GPC6: variants seen among roughly 807,000 people sequenced by gnomAD.
GPC6 encodes glypican-6.
Under a neutral mutation model 55.2 loss-of-function variants are expected in GPC6, and 14 were observed. The ratio of observed to expected loss-of-function variants is 0.25; its 90% CI spans 0.17 to 0.40. The LOEUF is 0.40. Ranked by LOEUF, GPC6 falls within the 10% of genes least tolerant of loss-of-function variation. The pLI is 1.00. For missense variants in GPC6, 641 were observed against 708.5 expected (o/e 0.90, Z 1.08); for synonymous variants, 278 against 259.6 (o/e 1.07, Z -0.68).
intron 4 of GPC6, among the ~76,000 whole-genome samples, chr13:94,074,506 C>T (rs928391681): frequency 6.6e-6 from 1 of 152,210 alleles, no homozygotes; most frequent in Non-Finnish European, 1.5e-5. Context: ...TGTTGTACCA[C>T]TTGAATTTTA....
At chr13:93,974,802 A>G (rs1162962760) in intron 3 of GPC6, among the ~76,000 whole-genome samples, 1 of 152,100 alleles carries the variant, frequency 6.6e-6, no homozygotes, top group Admixed American at 6.6e-5. Context: ...CTATTATTAG[A>G]CATTTACTAT....
intron 3 of GPC6, among the ~76,000 whole-genome samples, chr13:94,010,343 G>A (rs1185355194): frequency 1.3e-5 from 2 of 152,122 alleles, no homozygotes; most frequent in Non-Finnish European, 2.9e-5. Flanking sequence ...AAGGCCAAGG[G>A]TAATGAAAAT....
chr13:94,099,610 C>A (rs182656354), intron 4 of GPC6, among the ~76,000 whole-genome samples: 1 of 152,224 alleles, frequency 6.6e-6, no homozygotes, highest in Non-Finnish European at 1.5e-5. Flanking sequence ...AAGGTATTTG[C>A]TTACTTTTAT....
chr13:93,961,847 G>A (rs924455264), intron 3 of GPC6, among the ~76,000 whole-genome samples: 1 of 151,856 alleles, frequency 6.6e-6, no homozygotes, highest in Non-Finnish European at 1.5e-5. Flanking sequence ...AGAGATTTTA[G>A]GCAATTGCCA....
At chr13:93,266,488 G>C (rs1205478615) in intron 1 of GPC6, among the ~76,000 whole-genome samples, 2 of 152,116 alleles carry the variant, frequency 1.3e-5, no homozygotes, top group Non-Finnish European at 2.9e-5. Flanking sequence ...GAGTTCGTAA[G>C]ACCCAGTACG....
At chr13:93,655,757 C>T (rs1159081789) in intron 2 of GPC6, among the ~76,000 whole-genome samples, 2 of 152,028 alleles carry the variant, frequency 1.3e-5, no homozygotes, top group Non-Finnish European at 2.9e-5. Context: ...AAAAATGTTA[C>T]GTTAAATTCA....
At chr13:94,096,285 C>T (rs1353512572) in intron 4 of GPC6, among the ~76,000 whole-genome samples, 1 of 149,590 alleles carries the variant, frequency 6.7e-6, no homozygotes, top group Non-Finnish European at 1.5e-5. Flanking sequence ...CTGAACCTGC[C>T]GTGGAATCAG....
intron 4 of GPC6, among the ~76,000 whole-genome samples, chr13:94,082,347 A>C (rs1047482647): frequency 1.3e-5 from 2 of 152,138 alleles, no homozygotes; most frequent in Non-Finnish European, 2.9e-5. Flanking sequence ...TTCAGGCCCC[A>C]GACACACTTC....
chr13:93,986,316 T>C (rs984073184), intron 3 of GPC6, among the ~76,000 whole-genome samples: 2 of 152,172 alleles, frequency 1.3e-5, no homozygotes, highest in Non-Finnish European at 2.9e-5. Context: ...AACTCTGTGA[T>C]CTTACAGATA....
chr13:93,988,588 T>C (rs1178979082), intron 3 of GPC6, among the ~76,000 whole-genome samples: 2 of 152,112 alleles, frequency 1.3e-5, no homozygotes, highest in Non-Finnish European at 2.9e-5. Flanking sequence ...TTTTAATAGA[T>C]GGGTTCTCTT....
At chr13:93,895,070 A>T (rs1202898344) in intron 3 of GPC6, among the ~76,000 whole-genome samples, 3 of 150,336 alleles carry the variant, frequency 2.0e-5, no homozygotes, top group Non-Finnish European at 3.0e-5. Context: ...AAATATATAT[A>T]TTTTCACCTC....
chr13:94,070,618 A>G (rs1043664281), intron 4 of GPC6, among the ~76,000 whole-genome samples: 2 of 152,232 alleles, frequency 1.3e-5, no homozygotes, highest in African/African-American at 4.8e-5. Flanking sequence ...GAGATAATTC[A>G]GTGTTGAATA....
At chr13:93,413,557 C>T (rs377573975) in intron 1 of GPC6, among the ~76,000 whole-genome samples, 8 of 142,156 alleles carry the variant, frequency 5.6e-5, no homozygotes, top group African/African-American at 1.0e-4. Context: ...GTATTTTGTT[C>T]TTTTTTTTTT....
chr13:94,362,940 G>T (rs1879123139), intron 6 of GPC6, among the ~76,000 whole-genome samples: 1 of 152,060 alleles, frequency 6.6e-6, no homozygotes, highest in Non-Finnish European at 1.5e-5. Context: ...TTGGTACATA[G>T]GTATACATGT....
intron 5 of GPC6, among the ~76,000 whole-genome samples, chr13:94,302,877 G>A (rs552940499): frequency 2.0e-5 from 3 of 152,340 alleles, no homozygotes; most frequent in South Asian, 4.1e-4. Flanking sequence ...ATTAGAAGCC[G>A]TGGGTCACGG....
Position 93,645,872 on chromosome 13 carries a change from C to T in GPC6, c.319+100451C>T, listed in dbSNP as rs183373523. 8.5e-5 allele frequency among the ~76,000 whole-genome samples: 13 copies of T among 152,168 alleles called. No individual in the cohort carries two copies. In the East Asian group the frequency reaches 1.4e-3, roughly 16 times the overall value. The stretch of plus-strand genomic sequence containing the variant: ...AGTTCTTTATCATCACGCTAAAGCA[C>T]GTCTGCTGACCATTTAAAGGAATAA... On this transcript the variant is annotated intron_variant, in intron 2 of 8. Coordinates refer to ENST00000377047, the MANE Select transcript of GPC6 (RefSeq NM_005708.5).
chr13:94,232,542 G>C (rs1030286240), intron 4 of GPC6, among the ~76,000 whole-genome samples: 8 of 151,988 alleles, frequency 5.3e-5, no homozygotes, highest in African/African-American at 1.2e-4. Context: ...TTTTTGGGGG[G>C]GTGGGGCAGG....
chr13:93,772,494 A>T (rs1274339608), intron 2 of GPC6, among the ~76,000 whole-genome samples: 1 of 152,068 alleles, frequency 6.6e-6, no homozygotes, highest in Non-Finnish European at 1.5e-5. Context: ...AACTTTGGAC[A>T]TCTTGTGATG....
chr13:93,251,262 A>C (rs1299018592), intron 1 of GPC6, among the ~76,000 whole-genome samples: 5 of 152,084 alleles, frequency 3.3e-5, no homozygotes, highest in African/African-American at 1.2e-4. Flanking sequence ...TGGGTTTGCT[A>C]TCTCTTTCTC....
Sources: gnomAD v4.1 joint callset for allele counts (sites outside exome capture counted in the v4.1 genomes callset) on GRCh38, gnomAD v4.1.1 for gene constraint, MANE v1.5 for transcripts, NCBI Gene and HGNC (gene_info 2026-07-23, HGNC 2026-07-21) for gene names.